Variants in ZNF804B observed in about 807,000 individuals in gnomAD.
ZNF804B encodes zinc finger 804B.
ZNF804B carries 80 observed loss-of-function variants against 101.4 expected under a neutral mutation model. The ratio of observed to expected loss-of-function variants is 0.79; its 90% CI spans 0.66 to 0.95. The LOEUF is 0.95. ZNF804B is among the 40% of genes least tolerant of loss of function. The probability of loss-of-function intolerance (pLI) is 0.00; values close to 1 mark genes in which losing one functional copy is unlikely to be tolerated. For synonymous variants in ZNF804B, 622 were observed against 558.8 expected (o/e 1.11, Z -1.59); for missense variants, 1,673 against 1,561.9 (o/e 1.07, Z -1.20).
At chr7:89,305,167 G>A (rs532149798) in intron 2 of ZNF804B, among the ~76,000 whole-genome samples, 1 of 152,052 alleles carries the variant, frequency 6.6e-6, no homozygotes, top group Admixed American at 6.6e-5. Context: ...CACTTTTAAT[G>A]TGCCTTGTAC....
chr7:88,928,298 C>T (rs990061885), intron 1 of ZNF804B, among the ~76,000 whole-genome samples: 7 of 152,150 alleles, frequency 4.6e-5, no homozygotes, highest in African/African-American at 1.7e-4. Flanking sequence ...CTGTGTGTTT[C>T]TCTTGCTTCC....
chr7:89,301,450 A>T (rs1482805747), intron 2 of ZNF804B, among the ~76,000 whole-genome samples: 1 of 151,716 alleles, frequency 6.6e-6, no homozygotes, highest in Non-Finnish European at 1.5e-5. Context: ...CATTTCAATT[A>T]ATTTTCTTTT....
intron 1 of ZNF804B, among the ~76,000 whole-genome samples, chr7:89,127,098 C>T (rs1381318302): frequency 6.6e-6 from 1 of 151,802 alleles, no homozygotes; most frequent in East Asian, 1.9e-4. Context: ...TATAAGTTAG[C>T]CAAAGACAAA....
intron 1 of ZNF804B, among the ~76,000 whole-genome samples, chr7:89,150,624 C>G (rs1790859747): frequency 6.6e-6 from 1 of 151,988 alleles, no homozygotes. Flanking sequence ...GGATATATGT[C>G]CATCTAATAT....
At chr7:88,959,579 CT>C (rs1397272015) in intron 1 of ZNF804B, among the ~76,000 whole-genome samples, 2 of 151,330 alleles carry the variant, frequency 1.3e-5, no homozygotes, top group Admixed American at 6.6e-5. Flanking sequence ...CTTCTAAGCT[CT>C]TCCTCTGATA....
At chr7:89,171,372 T>C (rs913655954) in intron 1 of ZNF804B, among the ~76,000 whole-genome samples, 9 of 120,592 alleles carry the variant, frequency 7.5e-5, no homozygotes, top group Non-Finnish European at 8.8e-5. Flanking sequence ...CTCTTCCTCT[T>C]CTTCCTCTTC....
chr7:89,312,011 A>G (rs1023606792), intron 2 of ZNF804B, among the ~76,000 whole-genome samples: 1 of 152,162 alleles, frequency 6.6e-6, no homozygotes, highest in Non-Finnish European at 1.5e-5. Flanking sequence ...GGTAGTGGGA[A>G]ACTAGAGCTA....
At chr7:88,871,657 A>G (rs547052725) in intron 1 of ZNF804B, among the ~76,000 whole-genome samples, 4 of 152,278 alleles carry the variant, frequency 2.6e-5, no homozygotes, top group South Asian at 4.1e-4. Flanking sequence ...CCATTTGTCG[A>G]AGGCAATGAT....
intron 2 of ZNF804B, among the ~76,000 whole-genome samples, chr7:89,247,223 A>T (rs1789463009): frequency 6.6e-6 from 1 of 152,210 alleles, no homozygotes; most frequent in African/African-American, 2.4e-5. Flanking sequence ...CATCAGGAGA[A>T]CAGAAACTGG....
chr7:89,070,809 T>C (rs1789524859), intron 1 of ZNF804B, among the ~76,000 whole-genome samples: 1 of 152,138 alleles, frequency 6.6e-6, no homozygotes, highest in South Asian at 2.1e-4. Context: ...AGGAGCTCGC[T>C]GCCCCTTAAT....
At chr7:88,876,206 C>T (rs1487195836) in intron 1 of ZNF804B, among the ~76,000 whole-genome samples, 3 of 152,192 alleles carry the variant, frequency 2.0e-5, no homozygotes, top group Admixed American at 2.0e-4. Flanking sequence ...CTTACCATAG[C>T]AACCTCTGGG....
rs1180070208 is a variant in ZNF804B at position 89,279,025 on chromosome 7, A to C, written c.250-48319A>C. Among the ~76,000 whole-genome samples the C allele has an allele frequency of 6.6e-5, 10 of 152,152 alleles. No individual in the cohort carries two copies. The East Asian group carries it at 1.7e-3, about 26-fold the overall frequency. On this transcript the variant is annotated intron_variant, in intron 2 of 3. Coordinates refer to ENST00000333190, the MANE Select transcript of ZNF804B (RefSeq NM_181646.5). ...ATTTGTTTGTATCCTCTTTAATTTC[A>C]TTGAGCAGTGGTTTGTAGTTCTCCT...
rs1379765764 is a variant in ZNF804B at position 88,783,216 on chromosome 7, T to G, written c.108+23132T>G. Among the ~76,000 whole-genome samples, 4 of 152,154 alleles carry G rather than the reference T, an allele frequency of 2.6e-5. 1 individual carries two copies. The highest frequency in any genetic ancestry group is 9.7e-5 in the African/African-American group (4 of 41,446). ...GCTAAAGTGCCAGACTTATAAATAC[T>G]TGAAGTTTTTGCATGTCGTTTGTGC... is the stretch of plus-strand genomic sequence containing the variant. On this transcript the variant is annotated intron_variant, in intron 1 of 3. Transcript: ENST00000333190.
chr7:88,977,398 T>A (rs528770520), intron 1 of ZNF804B, among the ~76,000 whole-genome samples: 2 of 151,688 alleles, frequency 1.3e-5, no homozygotes, highest in East Asian at 3.9e-4. Flanking sequence ...GATGGTAGAC[T>A]TTTTAGTATA....
chr7:88,827,466 A>T (rs1431641108), intron 1 of ZNF804B, among the ~76,000 whole-genome samples: 1 of 151,798 alleles, frequency 6.6e-6, no homozygotes, highest in Non-Finnish European at 1.5e-5. Context: ...ACTTGGGAAC[A>T]TATTCAGAAA....
intron 1 of ZNF804B, among the ~76,000 whole-genome samples, chr7:88,940,769 A>AATAATAATG (rs1793043496): frequency 9.1e-5 from 1 of 11,014 alleles, no homozygotes; most frequent in African/African-American, 1.2e-3. Context: ...CCCTATTTAA[A>AATAATAATG]ATAATAATAA....
intron 1 of ZNF804B, among the ~76,000 whole-genome samples, chr7:88,865,945 G>A (rs1372465779): frequency 6.6e-6 from 1 of 152,214 alleles, no homozygotes; most frequent in East Asian, 1.9e-4. Context: ...GGTTTAATAT[G>A]GTATGTTTTA....
At chr7:88,975,186 A>G (rs1057197330) in intron 1 of ZNF804B, among the ~76,000 whole-genome samples, 1 of 151,364 alleles carries the variant, frequency 6.6e-6, no homozygotes, top group Non-Finnish European at 1.5e-5. Context: ...CTGTGGATGG[A>G]CACTTAGATT....
chr7:89,336,366 C>G lies in ZNF804B; in HGVS notation c.3384C>G (p.Val1128=). 6.2e-7 allele frequency: 1 copy of G among 1,613,934 alleles called. No homozygotes were observed. Among genetic ancestry groups the G allele is most frequent in the South Asian group, 1.1e-5 (1 of 91,078 alleles). The change falls in exon 4 of 4, where the codon GTC becomes GTG. Residue 1128 remains valine, a synonymous_variant. Coordinates refer to ENST00000333190, the MANE Select transcript of ZNF804B (RefSeq NM_181646.5). ...GAACTATGCAGAAACCTGACAAAGT[C>G]GAAGACGGATTAGAAATGTGTCATA... ...YDRTMQKPDK[V]EDGLEMCHKS... is the part of the protein sequence containing the mutation.
Sources: gnomAD v4.1 joint callset for allele counts (sites outside exome capture counted in the v4.1 genomes callset) on GRCh38, gnomAD v4.1.1 for gene constraint, MANE v1.5 for transcripts, NCBI Gene and HGNC (gene_info 2026-07-23, HGNC 2026-07-21) for gene names.